The following SEMA6D variants were observed in gnomAD, a reference collection of about 807,000 sequenced individuals.
SEMA6D encodes the protein semaphorin-6D.
A neutral mutation model predicts 106.6 loss-of-function variants in SEMA6D; 35 were observed. The observed-to-expected ratio is 0.33, with a 90% confidence interval of 0.25 to 0.44. The LOEUF is 0.44. Among genes scored for constraint, SEMA6D ranks in the 20% least tolerant of loss-of-function variants. The pLI, the probability that SEMA6D is intolerant of heterozygous loss-of-function variation, is 1.00. For missense variants in SEMA6D, 1,185 were observed against 1,345.9 expected, an observed-to-expected ratio of 0.88 and a Z score of 1.87; for synonymous variants, 499 against 487.7, an observed-to-expected ratio of 1.02 and a Z score of -0.31.
chr15:47,630,976 A>T (rs1327222125), intron 4 of SEMA6D, among the ~76,000 whole-genome samples: 1 of 151,780 alleles, frequency 6.6e-6, no homozygotes, highest in African/African-American at 2.4e-5. Context: ...AATTCTTTTT[A>T]TACATTGCTG....
Position 47,526,746 on chromosome 15 carries a change from T to A in SEMA6D, c.-87+56201T>A, listed in dbSNP as rs1797238. On this transcript the variant is annotated intron_variant, in intron 3 of 19. Transcript: ENST00000558014. ...GGAACCAATAATTATTATTATTTTTTTTTTTTCTGAGACGGAGTCTCGCAC... is the reference window on the plus strand; with the variant it reads ...GGAACCAATAATTATTATTATTTTTATTTTTTCTGAGACGGAGTCTCGCAC... 8.9e-3 allele frequency among the ~76,000 whole-genome samples: 1,352 copies of A among 152,216 alleles called. 18 individuals are homozygous for A. The highest frequency in any genetic ancestry group is 0.031 in the African/African-American group (1,295 of 41,512).
chr15:47,725,753 A>G (rs2079701746), intron 1 of SEMA6D, among the ~76,000 whole-genome samples: 2 of 152,248 alleles, frequency 1.3e-5, no homozygotes, highest in African/African-American at 4.8e-5. Flanking sequence ...GCTTATTAAA[A>G]CACATAATAA....
chr15:47,336,807 C>G (rs189457267), intron 1 of SEMA6D, among the ~76,000 whole-genome samples: 1 of 152,146 alleles, frequency 6.6e-6, no homozygotes. Flanking sequence ...TGCACCATGA[C>G]CATCTCTCCA....
At chr15:47,758,724 C>T (rs1044584672) in intron 1 of SEMA6D, among the ~76,000 whole-genome samples, 2 of 152,060 alleles carry the variant, frequency 1.3e-5, no homozygotes, top group Admixed American at 6.5e-5. Context: ...ATCCATTTCC[C>T]CAAAAAGTTT....
intron 4 of SEMA6D, among the ~76,000 whole-genome samples, chr15:47,614,730 T>A: frequency 6.6e-6 from 1 of 152,200 alleles, no homozygotes; most frequent in East Asian, 1.9e-4. Context: ...TGGTTTAGGA[T>A]CTACAATCAT....
At chr15:47,320,062 TAA>T (rs1461744346) in intron 1 of SEMA6D, among the ~76,000 whole-genome samples, 4 of 152,144 alleles carry the variant, frequency 2.6e-5, no homozygotes. Flanking sequence ...TGAGGATCTT[TAA>T]AAACATATGT....
intron 1 of SEMA6D, among the ~76,000 whole-genome samples, chr15:47,334,327 A>G (rs1313641500): frequency 6.6e-6 from 1 of 152,186 alleles, no homozygotes; most frequent in Non-Finnish European, 1.5e-5. Flanking sequence ...CAGCAAATTA[A>G]TCAAACCCAA....
At chr15:47,542,188 C>T (rs1487862031) in intron 3 of SEMA6D, among the ~76,000 whole-genome samples, 2 of 152,114 alleles carry the variant, frequency 1.3e-5, no homozygotes, top group Non-Finnish European at 2.9e-5. Flanking sequence ...CCTCTGACTT[C>T]CACTATAATG....
At chr15:47,223,204 ATCT>A (rs2031362265) in intron 1 of SEMA6D, among the ~76,000 whole-genome samples, 1 of 151,676 alleles carries the variant, frequency 6.6e-6, no homozygotes, top group South Asian at 2.1e-4. Context: ...GATTGTGACA[ATCT>A]TCTTTGATTT....
chr15:47,604,136 G>A (rs1396176654), intron 4 of SEMA6D: 1 of 152,200 alleles, frequency 6.6e-6, no homozygotes, highest in Non-Finnish European at 1.5e-5. Flanking sequence ...GACCCTTGGA[G>A]ATGGAGAGGA....
intron 3 of SEMA6D, among the ~76,000 whole-genome samples, chr15:47,519,774 T>C (rs2141911951): frequency 6.6e-6 from 1 of 152,354 alleles, no homozygotes; most frequent in Non-Finnish European, 1.5e-5. Flanking sequence ...CTGACATTTA[T>C]ATCATATTAG....
chr15:47,748,611 A>G (rs543395532), intron 1 of SEMA6D, among the ~76,000 whole-genome samples: 1 of 152,364 alleles, frequency 6.6e-6, no homozygotes, highest in South Asian at 2.1e-4. Context: ...GCTGGTGAAT[A>G]GACAGTTTTC....
intron 1 of SEMA6D, among the ~76,000 whole-genome samples, chr15:47,204,535 A>T (rs1008884961): frequency 6.6e-6 from 1 of 152,136 alleles, no homozygotes; most frequent in South Asian, 2.1e-4. Context: ...GATTGAATTG[A>T]CAGATTTGAC....
At chr15:47,411,320 C>A (rs532774535) in intron 1 of SEMA6D, among the ~76,000 whole-genome samples, 8 of 152,166 alleles carry the variant, frequency 5.3e-5, no homozygotes, top group African/African-American at 1.9e-4. Context: ...TGGTCTCGAT[C>A]TCCTGACCTC....
intron 1 of SEMA6D, among the ~76,000 whole-genome samples, chr15:47,381,293 C>T (rs1247214872): frequency 1.3e-5 from 2 of 152,212 alleles, no homozygotes; most frequent in Admixed American, 1.3e-4. Flanking sequence ...GCATCATATT[C>T]GTGGCTTTGG....
At chr15:47,210,363 G>C (rs28506875) in intron 1 of SEMA6D, among the ~76,000 whole-genome samples, 2 of 152,106 alleles carry the variant, frequency 1.3e-5, no homozygotes, top group African/African-American at 4.8e-5. Flanking sequence ...CCCTTTCTTA[G>C]AAGATACAAG....
chr15:47,723,271 C>A (rs908968723), intron 1 of SEMA6D, among the ~76,000 whole-genome samples: 1 of 152,132 alleles, frequency 6.6e-6, no homozygotes, highest in African/African-American at 2.4e-5. Flanking sequence ...ATTACACACC[C>A]TTCTTTTCAA....
intron 4 of SEMA6D, among the ~76,000 whole-genome samples, chr15:47,658,420 A>G (rs1257457051): frequency 3.3e-5 from 5 of 152,214 alleles, no homozygotes; most frequent in Admixed American, 2.0e-4. Flanking sequence ...TTACTACAAA[A>G]GATACATAGA....
chr15:47,473,893 A>G (rs2042926813), intron 3 of SEMA6D, among the ~76,000 whole-genome samples: 1 of 151,986 alleles, frequency 6.6e-6, no homozygotes, highest in Admixed American at 6.5e-5. Flanking sequence ...TGGCTTTGTA[A>G]TCTCGCAATT....
Sources: gnomAD v4.1 joint callset for allele counts (sites outside exome capture counted in the v4.1 genomes callset) on GRCh38, gnomAD v4.1.1 for gene constraint, MANE v1.5 for transcripts, NCBI Gene and HGNC (gene_info 2026-07-23, HGNC 2026-07-21) for gene names.